The following POLR2B variants were observed in gnomAD, a reference collection of about 807,000 sequenced individuals.
POLR2B encodes DNA-directed RNA polymerase II subunit RPB2.
Under a neutral mutation model 144.6 loss-of-function variants are expected in POLR2B, and 57 were observed. The observed-to-expected ratio is 0.39, with a 90% CI of 0.32 to 0.49. The LOEUF (loss-of-function observed/expected upper bound fraction) is 0.49, where lower values mean the gene tolerates loss of function less well. Among genes scored for constraint, POLR2B ranks in the 20% least tolerant of loss-of-function variants. POLR2B has a pLI of 0.83. For missense variants in POLR2B, 595 were observed against 1,467.4 expected (o/e 0.41, Z 9.71); for synonymous variants, 442 against 469.8 (o/e 0.94, Z 0.77).
At position 57,005,548 on chromosome 4, in the gene POLR2B, T is replaced by A. The variant is rs1032251279; in HGVS notation, c.1098-52T>A. 2.2e-5 allele frequency: 34 copies of A among 1,541,856 alleles called. No individual in the cohort carries two copies. In the African/African-American group the frequency reaches 4.6e-4, roughly 21 times the overall value. ...TTTTAACATATAAATCAAAAAAAAG[T>A]CCAAAACTAAGTGTTTTCCCTCTTT... On this transcript the variant is annotated intron_variant, in intron 8 of 24. Coordinates refer to ENST00000314595, the MANE Select transcript of POLR2B (RefSeq NM_000938.3).
At chr4:57,007,119 C>T (rs1018916258) in intron 10 of POLR2B, 117 bp downstream of exon 10, 5 of 750,672 alleles carry the variant, frequency 6.7e-6, no homozygotes, top group Non-Finnish European at 1.1e-5. Flanking sequence ...AAAGGTAAAA[C>T]TACTGGGTGC....
Position 57,010,384 on chromosome 4 carries a change from G to T in POLR2B, c.1428G>T (p.Ala476=). 1.2e-6 allele frequency: 2 copies of T among 1,613,748 alleles called. No homozygotes were observed. Among genetic ancestry groups the T allele is most frequent in the Non-Finnish European group, 1.7e-6 (2 of 1,179,904 alleles). ...AGGTGTTAAACCGCCTGACTTTTGC[G>T]TCTACTCTTTCTCACCTGCGTCGTT... ...VSQVLNRLTF[A]STLSHLRRLN... Residue 476 remains alanine (A), a synonymous_variant, in exon 11 of 25, where the codon GCG becomes GCT. Transcript: ENST00000314595.
At chr4:57,019,244 A>G (rs1443907129) in intron 16 of POLR2B, among the ~76,000 whole-genome samples, 1 of 152,226 alleles carries the variant, frequency 6.6e-6, no homozygotes, top group Non-Finnish European at 1.5e-5. Context: ...AGAGAGGAAA[A>G]TAAATATACA....
At chr4:56,983,368 G>GTTTTTTTTT (rs11315195) in intron 1 of POLR2B, among the ~76,000 whole-genome samples, 1 of 71,318 alleles carries the variant, frequency 1.4e-5, no homozygotes, top group Non-Finnish European at 2.6e-5. Context: ...CTCTGCTCAG[G>GTTTTTTTTT]TTTTTTTTTT....
rs753225799 is a variant in POLR2B, at chr4:57,017,731, A to G, written c.2323+3A>G. On this transcript the variant is annotated splice_donor_region_variant and intron_variant, in intron 16 of 24. Transcript: ENST00000314595. This position sits in a 1 kb window ranked among gnomAD's most constrained non-coding sequence, Gnocchi z 4.8. ...ACGATTTAGAGAGCTGCCAGCAGGT[A>G]TGGTCAGTTTTGCTCTACGTTATTT... The G allele has an allele frequency of 3.7e-6, 6 of 1,611,928 alleles. No homozygotes were observed. The highest frequency in any genetic ancestry group is 2.2e-5 in the South Asian group (2 of 90,720).
At chr4:56,991,866 C>T (rs1380824473) in intron 3 of POLR2B, among the ~76,000 whole-genome samples, 1 of 151,974 alleles carries the variant, frequency 6.6e-6, no homozygotes, top group Non-Finnish European at 1.5e-5. Context: ...ACATGTTGGC[C>T]AGGCCGATCT....
chr4:56,985,419 C>G, intron 1 of POLR2B: 2 of 984,992 alleles, frequency 2.0e-6, no homozygotes, highest in Non-Finnish European at 2.4e-6. Flanking sequence ...GATGGCACTC[C>G]CCCCCGCCGC....
chr4:57,017,380 T>C lies in POLR2B; in HGVS notation c.2154+139T>C, dbSNP rs55824984. The stretch of plus-strand genomic sequence containing the variant: ...ACTCCTACGGAATCAGTATTTGATA[T>C]AATTGCTGTTGTGTTTCATGGTTAA... On this transcript the variant is annotated intron_variant, in intron 15 of 24. Transcript: ENST00000314595. This position sits in a 1 kb window ranked among gnomAD's most constrained non-coding sequence, Gnocchi z 4.8. The C allele has an allele frequency of 1.4e-3, 1,094 of 785,868 alleles. 14 individuals are homozygous for C. In the East Asian group the frequency reaches 0.023, roughly 17 times the overall value. The allele number at this position is 785,868 out of a possible 1,614,324, so 48.7% of individuals were successfully genotyped here.
At chr4:57,025,062 T>C (rs1360172492) in intron 22 of POLR2B, 63 bp downstream of exon 22, 14 of 807,082 alleles carry the variant, frequency 1.7e-5, no homozygotes, top group Non-Finnish European at 2.9e-5. Context: ...GTAGTTTTAT[T>C]CTGAAACAAT....
intron 23 of POLR2B, among the ~76,000 whole-genome samples, chr4:57,028,252 C>T (rs772472600): frequency 9.2e-5 from 14 of 152,152 alleles, no homozygotes; most frequent in Non-Finnish European, 4.4e-5. Flanking sequence ...TCAAGACAGT[C>T]ATCTTCACTA....
rs746250735 is a variant in POLR2B at position 57,015,551 on chromosome 4, A to T, written c.1850A>T (p.Asp617Val). ...GAGAGGGAGATTCGGATCTATACGG[A>T]TGCAGGCCGTATTTGTAGACCACTT... ...IREREIRIYT[D>V]AGRICRPLLI... The change falls in exon 14 of 25, where the codon GAT (aspartate) becomes GTT (valine). Residue 617 changes from aspartate to valine, a missense_variant. Transcript: ENST00000314595. The T allele has an allele frequency of 6.7e-7, 1 of 1,491,066 alleles. No homozygotes were observed. Among genetic ancestry groups the T allele is most frequent in the South Asian group, 1.4e-5 (1 of 70,056 alleles). 92.4% of individuals were successfully genotyped at this position (1,491,066 alleles called of 1,614,324 possible).
intron 16 of POLR2B, among the ~76,000 whole-genome samples, chr4:57,018,628 C>T (rs906902001): frequency 6.6e-6 from 1 of 152,034 alleles, no homozygotes; most frequent in Non-Finnish European, 1.5e-5. Context: ...AACACTAAGA[C>T]GTGAACTTCC....
intron 13 of POLR2B, among the ~76,000 whole-genome samples, chr4:57,014,135 G>A (rs960626478): frequency 2.0e-5 from 3 of 152,228 alleles, no homozygotes; most frequent in African/African-American, 7.2e-5. Flanking sequence ...AGTAGACTAG[G>A]AACTTGGAAC....
chr4:57,006,534 A>C (rs1229278297), intron 9 of POLR2B, among the ~76,000 whole-genome samples: 2 of 152,120 alleles, frequency 1.3e-5, no homozygotes, highest in Non-Finnish European at 2.9e-5. Context: ...CAAACTCCTG[A>C]CCTCAGGTGA....
intron 13 of POLR2B, among the ~76,000 whole-genome samples, chr4:57,014,912 G>A (rs1229354952): frequency 6.6e-6 from 1 of 151,824 alleles, no homozygotes; most frequent in African/African-American, 2.4e-5. Context: ...TTCTGGTTTG[G>A]TGCTGTCTTT....
chr4:56,998,556 C>G (rs1446373076), intron 6 of POLR2B, among the ~76,000 whole-genome samples: 1 of 152,016 alleles, frequency 6.6e-6, no homozygotes, highest in Non-Finnish European at 1.5e-5. Context: ...TGAGGTCCCA[C>G]TATGTTGCCC....
At chr4:57,006,228 G>A (rs1723013708) in intron 9 of POLR2B, among the ~76,000 whole-genome samples, 1 of 152,266 alleles carries the variant, frequency 6.6e-6, no homozygotes, top group East Asian at 1.9e-4. Context: ...TGTCTTGCAC[G>A]TGTTTTGTTA....
chr4:57,020,888 A>G lies in POLR2B; in HGVS notation c.2324-11A>G. ...GTGATGTTTTAATGTATGCTCTTAA[A>G]TTCACTGCAGGCATCAACTCAATTG... On this transcript the variant is annotated splice_polypyrimidine_tract_variant and intron_variant, in intron 16 of 24. Transcript: ENST00000314595. 2 of 1,459,584 alleles carry G rather than the reference A, an allele frequency of 1.4e-6. No homozygotes were observed. The highest frequency in any genetic ancestry group is 2.3e-5 in the South Asian group (2 of 88,040). The allele number at this position is 1,459,584 out of a possible 1,614,324, so 90.4% of individuals were successfully genotyped here.
intron 23 of POLR2B, among the ~76,000 whole-genome samples, chr4:57,025,797 T>C (rs1404659763): frequency 1.3e-5 from 2 of 152,026 alleles, no homozygotes; most frequent in Non-Finnish European, 2.9e-5. Flanking sequence ...CCTGCAGCCT[T>C]GAACTGGGCA....
Sources: allele counts gnomAD v4.1 joint callset (sites outside exome capture counted in the v4.1 genomes callset), GRCh38; gene constraint gnomAD v4.1.1; non-coding constraint Gnocchi (gnomAD v3.1); transcripts MANE v1.5; gene names NCBI Gene and HGNC (gene_info 2026-07-23, HGNC 2026-07-21).